CPB2: variants seen among roughly 807,000 people sequenced by gnomAD.
The protein encoded by CPB2 is carboxypeptidase B-like protein.
Under a neutral mutation model 57.0 loss-of-function variants are expected in CPB2, and 54 were observed. The ratio of observed to expected loss-of-function variants is 0.95; its 90% CI spans 0.76 to 1.19. CPB2 has a LOEUF of 1.19. Ranked by LOEUF, CPB2 falls within the 50% of genes most tolerant of loss-of-function variation. The pLI is 0.00. For synonymous variants in CPB2, 189 were observed against 178.1 expected (o/e 1.06, Z -0.49); for missense variants, 426 against 512.0 (o/e 0.83, Z 1.62).
chr13:46,073,880 A>G lies in CPB2; in HGVS notation c.584T>C (p.Ile195Thr), dbSNP rs762342791. 3.2e-6 allele frequency: 5 copies of G among 1,563,398 alleles called. No homozygotes were observed. The African/African-American group carries it at 5.4e-5, about 17-fold the overall frequency. ...WISPAFCLWF[I>T]GHITQFYGII... Reference sequence around the variant, plus strand: ...GAGAATGTGAATACTTACATGGCCTATGAACCACAAGCAGAAAGCAGGAGA... The same window carrying G: ...GAGAATGTGAATACTTACATGGCCTGTGAACCACAAGCAGAAAGCAGGAGA... Residue 195 changes from isoleucine (I) to threonine (T), a missense_variant, in exon 6 of 11, where the codon ATA (isoleucine) becomes ACA (threonine). Ile to Thr is a moderately conservative substitution (Grantham distance 89, BLOSUM62 -1). Transcript: ENST00000181383.
Position 46,084,989 on chromosome 13 carries a change from T to G in CPB2, c.151-646A>C, listed in dbSNP as rs773433602. Reference sequence around the variant, plus strand: ...CCTCAGCCTCCCGGGTAGCTGGGACTACAGGCGCCCGCCACCACGCCCGGC... The same window carrying G: ...CCTCAGCCTCCCGGGTAGCTGGGACGACAGGCGCCCGCCACCACGCCCGGC... On this transcript the variant is annotated intron_variant, in intron 2 of 10. Transcript: ENST00000181383. Among the ~76,000 whole-genome samples the G allele has an allele frequency of 3.3e-5, 5 of 152,086 alleles. No individual in the cohort carries two copies. The South Asian group carries it at 1.0e-3, about 32-fold the overall frequency.
intron 1 of CPB2, among the ~76,000 whole-genome samples, chr13:46,094,291 C>T (rs1056845182): frequency 7.2e-5 from 11 of 152,222 alleles, no homozygotes; most frequent in African/African-American, 1.9e-4. Flanking sequence ...GCCATGCTTT[C>T]TCCAAGCTTC....
intron 4 of CPB2, among the ~76,000 whole-genome samples, chr13:46,079,980 T>G (rs2045087260): frequency 6.6e-6 from 1 of 152,176 alleles, no homozygotes; most frequent in Non-Finnish European, 1.5e-5. Flanking sequence ...GAATCTCCAT[T>G]TCCTGTGTTA....
intron 6 of CPB2, chr13:46,073,399 G>T: frequency 1.3e-6 from 1 of 784,828 alleles, no homozygotes; most frequent in Non-Finnish European, 1.5e-6. Context: ...CCTTCTTCAG[G>T]AACAAAATTC....
intron 1 of CPB2, chr13:46,099,277 G>C (rs1257732086): frequency 6.6e-6 from 1 of 152,164 alleles, no homozygotes; most frequent in Non-Finnish European, 1.5e-5. Context: ...AGATATACCA[G>C]GAAATAAAGC....
intron 2 of CPB2, among the ~76,000 whole-genome samples, chr13:46,084,959 T>C (rs1219384549): frequency 6.6e-6 from 1 of 151,944 alleles, no homozygotes; most frequent in Non-Finnish European, 1.5e-5. Context: ...CTCGCCATTC[T>C]CCTGCCTCAG....
At chr13:46,080,363 G>A (rs567365152) in intron 4 of CPB2, among the ~76,000 whole-genome samples, 2 of 152,308 alleles carry the variant, frequency 1.3e-5, no homozygotes, top group East Asian at 1.9e-4. Flanking sequence ...AATATTCTGA[G>A]AGCAAAATGC....
chr13:46,075,156 C>T (rs922732468), intron 5 of CPB2, among the ~76,000 whole-genome samples: 1 of 152,148 alleles, frequency 6.6e-6, no homozygotes, highest in East Asian at 1.9e-4. Flanking sequence ...TCATTTGAAC[C>T]ACTCCAGGAG....
intron 6 of CPB2, among the ~76,000 whole-genome samples, chr13:46,069,252 T>C (rs1364628671): frequency 6.6e-6 from 1 of 152,252 alleles, no homozygotes; most frequent in African/African-American, 2.4e-5. Context: ...CAGTCTGTGC[T>C]GTGTGCCAAG....
chr13:46,089,612 A>G (rs2045261545), intron 1 of CPB2, among the ~76,000 whole-genome samples: 1 of 152,098 alleles, frequency 6.6e-6, no homozygotes, highest in African/African-American at 2.4e-5. Flanking sequence ...CAAAATTCCT[A>G]TGTTGAAATC....
chr13:46,057,712 A>C (rs1209879850), intron 9 of CPB2, among the ~76,000 whole-genome samples: 1 of 152,226 alleles, frequency 6.6e-6, no homozygotes, highest in Non-Finnish European at 1.5e-5. Flanking sequence ...GTACTTTAAT[A>C]GGACCAAAAC....
At position 46,055,797 on chromosome 13, in the gene CPB2, G is replaced by T; in HGVS notation, c.1052C>A (p.Thr351Asn). ...TGAGCCATGGCCATGTGTATACCTG[G>T]TATTTTTACTAATTTTCTCAATAGC... The part of the protein sequence containing the change: ...VRAIEKISKN[T>N]RYTHGHGSET... Residue 351 changes from threonine to asparagine, a missense_variant, in exon 10 of 11, where the codon ACC becomes AAC. Coordinates refer to ENST00000181383, the MANE Select transcript of CPB2 (RefSeq NM_001872.5). 1 of 1,601,962 alleles carries T rather than the reference G, an allele frequency of 6.2e-7. No homozygotes were observed. The highest frequency in any genetic ancestry group is 1.1e-5 in the South Asian group (1 of 89,864).
chr13:46,062,986 G>A (rs963365244), intron 8 of CPB2, among the ~76,000 whole-genome samples: 7 of 152,204 alleles, frequency 4.6e-5, no homozygotes, highest in African/African-American at 1.7e-4. Flanking sequence ...GGAAGAAGAT[G>A]TTTCTGTGGA....
chr13:46,084,727 T>G (rs1025123218), intron 2 of CPB2, among the ~76,000 whole-genome samples: 39 of 152,092 alleles, frequency 2.6e-4, no homozygotes, highest in Non-Finnish European at 5.0e-4. Flanking sequence ...TGATTTTATT[T>G]AATAAAAATT....
chr13:46,057,621 T>A (rs1412524368), intron 9 of CPB2, among the ~76,000 whole-genome samples: 1 of 152,154 alleles, frequency 6.6e-6, no homozygotes, highest in Non-Finnish European at 1.5e-5. Context: ...GAGTATCAAA[T>A]TGTGTGAGTC....
intron 8 of CPB2, among the ~76,000 whole-genome samples, chr13:46,059,030 T>G (rs1339344174): frequency 1.3e-5 from 2 of 152,242 alleles, no homozygotes; most frequent in African/African-American, 4.8e-5. Context: ...AAGAGATTAT[T>G]CCTTCCTGCA....
intron 6 of CPB2, 77 bp downstream of exon 6, chr13:46,073,796 A>G: frequency 1.1e-6 from 1 of 883,052 alleles, no homozygotes; most frequent in Non-Finnish European, 1.7e-6. Flanking sequence ...ATTTTAATAA[A>G]TAGCCCAGTT....
chr13:46,073,889 A>G lies in CPB2; in HGVS notation c.575T>C (p.Leu192Ser). Reference sequence around the variant, plus strand: ...AATACTTACATGGCCTATGAACCACAAGCAGAAAGCAGGAGAGATCCATTC... The same window carrying G: ...AATACTTACATGGCCTATGAACCACGAGCAGAAAGCAGGAGAGATCCATTC... ...AREWISPAFC[L>S]WFIGHITQFY... Residue 192 changes from leucine to serine, a missense_variant, in exon 6 of 11, where the codon TTG becomes TCG. Physicochemically the swap from Leu to Ser is moderately radical, Grantham distance 145 (BLOSUM62 -2). Transcript: ENST00000181383. The G allele has an allele frequency of 6.4e-7, 1 of 1,570,234 alleles. No homozygotes were observed. The highest frequency in any genetic ancestry group is 8.7e-7 in the Non-Finnish European group (1 of 1,147,122).
chr13:46,059,013 C>G (rs1126366), intron 8 of CPB2, among the ~76,000 whole-genome samples: 119,862 of 152,200 alleles, frequency 0.79, 47,548 homozygotes, highest in African/African-American at 0.87. Context: ...CAAGCTGCAT[C>G]TGACACAAGA....
Sources: allele counts gnomAD v4.1 joint callset (sites outside exome capture counted in the v4.1 genomes callset), GRCh38; gene constraint gnomAD v4.1.1; transcripts MANE v1.5; gene names NCBI Gene and HGNC (gene_info 2026-07-23, HGNC 2026-07-21).